Variants in IAH1 observed in about 807,000 individuals in gnomAD.
IAH1 encodes isoamyl acetate-hydrolyzing esterase 1 homolog.
Under a neutral mutation model 26.7 loss-of-function variants are expected in IAH1, and 24 were observed. The ratio of observed to expected loss-of-function variants is 0.90; its 90% CI spans 0.65 to 1.26. The LOEUF (loss-of-function observed/expected upper bound fraction) is 1.26, where lower values mean the gene tolerates loss of function less well. Ranked by LOEUF, IAH1 falls within the 50% of genes most tolerant of loss-of-function variation. IAH1 has a pLI of 0.00. For missense variants in IAH1, 300 were observed against 299.9 expected (o/e 1.00, Z 0.00); for synonymous variants, 140 against 118.5 (o/e 1.18, Z -1.18).
chr2:9,494,525 A>C, downstream of IAH1: 1 of 1,258,562 alleles, frequency 7.9e-7, no homozygotes, highest in Non-Finnish European at 1.1e-6. Context: ...ATGGGCCAGA[A>C]GGATGTAGCC....
At chr2:9,485,768 A>T (rs967231344) in intron 5 of IAH1, 2 of 152,444 alleles carry the variant, frequency 1.3e-5, no homozygotes, top group Admixed American at 6.5e-5. Flanking sequence ...AGAGGGGCAG[A>T]CAGGCACTGG....
At chr2:9,502,827 C>T in the IAH1 span, among the ~76,000 whole-genome samples, 31,558 of 140,552 alleles carry the variant, frequency 0.22, 4,318 homozygotes, top group Middle Eastern at 0.32. Flanking sequence ...TGCAGTGAGC[C>T]GAGATCGCAC....
chr2:9,476,721 G>T (rs2124896358), intron 2 of IAH1, among the ~76,000 whole-genome samples: 1 of 152,312 alleles, frequency 6.6e-6, no homozygotes, highest in African/African-American at 2.4e-5. Context: ...CATTGTCCAG[G>T]GGAGGAATGC....
chr2:9,480,676 T>C (rs1299591791), intron 3 of IAH1, among the ~76,000 whole-genome samples: 1 of 152,232 alleles, frequency 6.6e-6, no homozygotes, highest in Non-Finnish European at 1.5e-5. Flanking sequence ...TCCTTTATAC[T>C]GTACTTACAT....
At chr2:9,481,606 C>T (rs928012851) in intron 4 of IAH1, among the ~76,000 whole-genome samples, 159 bp downstream of exon 4, 10 of 152,150 alleles carry the variant, frequency 6.6e-5, no homozygotes, top group Admixed American at 6.5e-4. Flanking sequence ...TTATAGCTTC[C>T]ATTATGTTAT....
At chr2:9,483,708 A>T (rs545823188) in intron 4 of IAH1, among the ~76,000 whole-genome samples, 13 of 152,052 alleles carry the variant, frequency 8.5e-5, no homozygotes, top group Non-Finnish European at 1.9e-4. Context: ...CAATCCCCAG[A>T]TACTGCACTC....
the IAH1 span, chr2:9,505,472 T>A: frequency 1.7e-6 from 2 of 1,174,360 alleles, no homozygotes; most frequent in Non-Finnish European, 2.4e-6. Flanking sequence ...AAAACCACCA[T>A]CAGAGCCACC....
chr2:9,475,365 A>G (rs1014253266), intron 1 of IAH1: 1 of 410,306 alleles, frequency 2.4e-6, no homozygotes, highest in African/African-American at 2.1e-5. Context: ...GCCGAATTCC[A>G]TGGGAATGTG....
In IAH1 at chr2:9,477,861, A is replaced by G. The variant is rs145739070; in HGVS notation, c.135-361A>G. Among the ~76,000 whole-genome samples, 356 of 152,314 alleles carry G rather than the reference A, an allele frequency of 2.3e-3. 1 individual carries two copies. Among genetic ancestry groups the G allele is most frequent in the African/African-American group, 8.3e-3 (343 of 41,558 alleles). On this transcript the variant is annotated intron_variant, in intron 2 of 5. Transcript: ENST00000497473. ...CAAACTAAACTATTTAAGTTCCAGG[A>G]TATTAGTGACTTTTTACCTGAGATA...
chr2:9,491,125 T>A (rs1207886419), downstream of IAH1: 1 of 1,613,058 alleles, frequency 6.2e-7, no homozygotes, highest in African/African-American at 1.3e-5. Context: ...GAGACAGAGA[T>A]TCATACTGTT....
chr2:9,484,835 TTTCATACAGAGAA>T (rs1661385037), intron 5 of IAH1: 1 of 324,844 alleles, frequency 3.1e-6, no homozygotes, highest in Non-Finnish European at 5.6e-6. Context: ...CAAGTTCTTC[TTTCATACAGAGAA>T]TGGCAGAAAG....
chr2:9,497,308 G>A (rs531696522), downstream of IAH1: 55 of 1,599,080 alleles, frequency 3.4e-5, 1 homozygote, highest in South Asian at 4.8e-4. Context: ...AGTTCTACAG[G>A]TGCATAATAC....
intron 6 of IAH1, chr2:9,496,305 T>C (rs10204071): frequency 0.097 from 14,668 of 151,854 alleles, 835 homozygotes; most frequent in African/African-American, 0.16. Context: ...ATTTTTTTTA[T>C]TTTTAGTAGA....
downstream of IAH1, among the ~76,000 whole-genome samples, chr2:9,494,086 AGAT>A (rs2124964544): frequency 6.6e-6 from 1 of 152,342 alleles, no homozygotes; most frequent in Non-Finnish European, 1.5e-5. Context: ...AGTTTGCTAA[AGAT>A]GAGGCATTCC....
upstream of IAH1, chr2:9,473,944 T>C (rs1269311028): frequency 1.3e-5 from 2 of 152,128 alleles, no homozygotes; most frequent in East Asian, 3.9e-4. Context: ...GTGAATCCCT[T>C]GGAAGTTAGT....
chr2:9,479,795 CTTTTTTTTTT>C (rs5829216), intron 3 of IAH1, among the ~76,000 whole-genome samples: 29 of 69,866 alleles, frequency 4.2e-4, no homozygotes, highest in African/African-American at 1.4e-3. Flanking sequence ...CTGTGTATTG[CTTTTTTTTTT>C]TTTTTTTTTT....
At chr2:9,486,201 C>T (rs1661468123) in intron 5 of IAH1, 1 of 152,210 alleles carries the variant, frequency 6.6e-6, no homozygotes, top group Non-Finnish European at 1.5e-5. Flanking sequence ...TCACCAGTCA[C>T]CTTTGGAGGC....
At chr2:9,497,281 T>C (rs774841140), downstream of IAH1, 16 of 1,612,490 alleles carry the variant, frequency 9.9e-6, no homozygotes, top group Admixed American at 3.3e-5. Context: ...ACAAAAAGAA[T>C]GAGTCACAGG....
intron 3 of IAH1, among the ~76,000 whole-genome samples, chr2:9,479,795 C>CTTTTTTTTTTT (rs5829216): frequency 1.9e-4 from 13 of 69,870 alleles, no homozygotes; most frequent in Non-Finnish European, 2.8e-4. Context: ...CTGTGTATTG[C>CTTTTTTTTTTT]TTTTTTTTTT....
Sources: allele counts gnomAD v4.1 joint callset (sites outside exome capture counted in the v4.1 genomes callset), GRCh38; gene constraint gnomAD v4.1.1; transcripts MANE v1.5; gene names NCBI Gene and HGNC (gene_info 2026-07-23, HGNC 2026-07-21).